MCOLN2: variants seen among roughly 807,000 people sequenced by gnomAD.
MCOLN2 encodes the protein mucolipin-2.
In MCOLN2, 57 loss-of-function variants were observed where a neutral mutation model predicts 67.5. The observed-to-expected ratio is 0.84, with a 90% confidence interval of 0.68 to 1.05. The LOEUF (loss-of-function observed/expected upper bound fraction) is 1.05, where lower values mean the gene tolerates loss of function less well. Ranked by LOEUF, MCOLN2 falls within the 50% of genes least tolerant of loss-of-function variation. The pLI, the probability that MCOLN2 is intolerant of heterozygous loss-of-function variation, is 0.00. For synonymous variants in MCOLN2, 246 were observed against 233.3 expected (o/e 1.05, Z -0.50); for missense variants, 620 against 678.8 (o/e 0.91, Z 0.96).
intron 4 of MCOLN2, 148 bp downstream of exon 4, chr1:84,956,283 C>T (rs765903133): frequency 2.0e-5 from 14 of 683,274 alleles, no homozygotes; most frequent in Admixed American, 9.2e-5. Flanking sequence ...GCCAAAGCCC[C>T]TCTGCAGGCC....
Position 84,926,695 on chromosome 1 carries a change from G to C in MCOLN2, c.1691C>G (p.Pro564Arg), listed in dbSNP as rs1326081708. ...ATCTTTAGCAGAACTTTAGCTAATA[G>C]GTATCAAGTGATCATCACTTCTTTT... is the stretch of plus-strand genomic sequence containing the variant. ...RRKRSDDHLI[P>R]IS Residue 564 changes from proline to arginine, a missense_variant, in exon 14 of 14, where the codon CCT becomes CGT. By Grantham distance (103) the Pro-to-Arg change is moderately radical. Coordinates refer to ENST00000370608, the MANE Select transcript of MCOLN2 (RefSeq NM_153259.4). The C allele has an allele frequency of 6.3e-7, 1 of 1,595,832 alleles. No homozygotes were observed. The highest frequency in any genetic ancestry group is 1.1e-5 in the South Asian group (1 of 88,054).
chr1:84,989,508 T>A (rs1294388184), intron 1 of MCOLN2, among the ~76,000 whole-genome samples: 2 of 152,120 alleles, frequency 1.3e-5, no homozygotes, highest in Non-Finnish European at 2.9e-5. Context: ...TTAAAATAAT[T>A]TGCTATCCAT....
chr1:84,944,875 C>A (rs769376007), intron 7 of MCOLN2, among the ~76,000 whole-genome samples: 3 of 152,172 alleles, frequency 2.0e-5, no homozygotes, highest in Non-Finnish European at 2.9e-5. Context: ...CTTGTCCTTG[C>A]CCACTTCCCC....
At chr1:84,947,230 C>G in intron 6 of MCOLN2, 98 bp from the exon 7 acceptor site, 1 of 701,898 alleles carries the variant, frequency 1.4e-6, no homozygotes, top group South Asian at 1.6e-5. Context: ...ATCCAGTGTG[C>G]TGATCCAAAG....
At chr1:84,982,106 G>T (rs1360167619) in intron 1 of MCOLN2, among the ~76,000 whole-genome samples, 6 of 147,562 alleles carry the variant, frequency 4.1e-5, no homozygotes, top group African/African-American at 7.5e-5. Flanking sequence ...GATGAAAAGT[G>T]TATCTGATTT....
intron 9 of MCOLN2, 84 bp downstream of exon 9, chr1:84,939,469 T>C (rs2102813515): frequency 1.5e-6 from 2 of 1,321,284 alleles, no homozygotes; most frequent in South Asian, 2.6e-5. Flanking sequence ...ATCAAAGTGG[T>C]CTCCAAAGGA....
chr1:84,926,808 C>A, intron 13 of MCOLN2, 87 bp from the exon 14 acceptor site: 1 of 963,042 alleles, frequency 1.0e-6, no homozygotes, highest in Non-Finnish European at 1.5e-6. Flanking sequence ...ATATTCTAGG[C>A]CCGTAGATTA....
At chr1:84,930,907 A>T (rs80001082) in intron 12 of MCOLN2, among the ~76,000 whole-genome samples, 3,112 of 152,324 alleles carry the variant, frequency 0.02, 111 homozygotes, top group African/African-American at 0.072. Context: ...GAAGCTAAAC[A>T]GTCACAAAAG....
At chr1:84,964,354 T>A (rs1649257962) in intron 2 of MCOLN2, among the ~76,000 whole-genome samples, 1 of 152,188 alleles carries the variant, frequency 6.6e-6, no homozygotes, top group Non-Finnish European at 1.5e-5. Context: ...TTTACACACC[T>A]CTACACTGAT....
chr1:84,965,253 T>C (rs1488231734), intron 2 of MCOLN2, among the ~76,000 whole-genome samples: 2 of 152,188 alleles, frequency 1.3e-5, no homozygotes, highest in Non-Finnish European at 2.9e-5. Context: ...CTGTGTTTAA[T>C]AGAGAGTTCC....
chr1:84,989,267 C>T (rs1407354098), intron 1 of MCOLN2, among the ~76,000 whole-genome samples: 1 of 151,538 alleles, frequency 6.6e-6, no homozygotes, highest in Non-Finnish European at 1.5e-5. Context: ...CTTTTGTGAT[C>T]AAATAATAAT....
chr1:84,953,302 C>T (rs576026354), intron 4 of MCOLN2, among the ~76,000 whole-genome samples: 18 of 152,094 alleles, frequency 1.2e-4, no homozygotes, highest in African/African-American at 3.1e-4. Context: ...CTGTAATCCC[C>T]GCTCTTTAGG....
intron 8 of MCOLN2, among the ~76,000 whole-genome samples, chr1:84,940,566 C>T (rs1024594019): frequency 6.6e-6 from 1 of 152,210 alleles, no homozygotes; most frequent in Non-Finnish European, 1.5e-5. Flanking sequence ...TTCTTCAGAT[C>T]ACTCCTGAAT....
intron 9 of MCOLN2, 116 bp downstream of exon 9, chr1:84,939,437 T>C: frequency 9.7e-7 from 1 of 1,033,918 alleles, no homozygotes; most frequent in Non-Finnish European, 1.4e-6. Flanking sequence ...TGTGCTGGTG[T>C]GAGAAAAGGG....
chr1:84,930,333 C>T (rs1022309123), intron 12 of MCOLN2, among the ~76,000 whole-genome samples: 1 of 151,952 alleles, frequency 6.6e-6, no homozygotes, highest in African/African-American at 2.4e-5. Flanking sequence ...TCCCACTCCA[C>T]ACACACATTG....
At chr1:84,959,463 C>T (rs1234399464) in intron 2 of MCOLN2, among the ~76,000 whole-genome samples, 1 of 152,078 alleles carries the variant, frequency 6.6e-6, no homozygotes, top group Non-Finnish European at 1.5e-5. Context: ...TTCTTGGAAC[C>T]CAATAAATGG....
intron 13 of MCOLN2, among the ~76,000 whole-genome samples, chr1:84,928,886 G>C (rs1285188118): frequency 6.6e-6 from 1 of 151,944 alleles, no homozygotes; most frequent in Non-Finnish European, 1.5e-5. Flanking sequence ...CTTCCAAAAA[G>C]AAAAAACATA....
chr1:84,969,293 G>C (rs1380324173), intron 1 of MCOLN2, among the ~76,000 whole-genome samples: 1 of 152,218 alleles, frequency 6.6e-6, no homozygotes, highest in East Asian at 1.9e-4. Flanking sequence ...AGAGGTGGCT[G>C]GGCACGGTGG....
At chr1:84,948,683 A>T (rs1648244707) in intron 6 of MCOLN2, among the ~76,000 whole-genome samples, 1 of 152,260 alleles carries the variant, frequency 6.6e-6, no homozygotes, top group Admixed American at 6.5e-5. Flanking sequence ...ATTCAATGAA[A>T]CCAGGAACAT....
Sources: allele counts gnomAD v4.1 joint callset (sites outside exome capture counted in the v4.1 genomes callset), GRCh38; gene constraint gnomAD v4.1.1; transcripts MANE v1.5; gene names NCBI Gene and HGNC (gene_info 2026-07-23, HGNC 2026-07-21).